Variants in DHX38 observed in about 807,000 individuals in gnomAD.
DHX38 encodes pre-mRNA-splicing factor ATP-dependent RNA helicase PRP16.
DHX38 carries 100 observed loss-of-function variants against 153.1 expected under a neutral mutation model. The observed-to-expected ratio is 0.65, with a 90% confidence interval of 0.56 to 0.77. The LOEUF is 0.77. Ranked by LOEUF, DHX38 falls within the 30% of genes least tolerant of loss-of-function variation. DHX38 has a pLI of 0.00. For missense variants in DHX38, 1,440 were observed against 1,654.0 expected, an observed-to-expected ratio of 0.87 and a Z score of 2.24; for synonymous variants, 650 against 631.7, an observed-to-expected ratio of 1.03 and a Z score of -0.43.
chr16:72,103,572 G>C, intron 12 of DHX38, 30 bp from the exon 13 acceptor site: 1 of 1,590,380 alleles, frequency 6.3e-7, no homozygotes. Flanking sequence ...CACTTCGGCT[G>C]ATAAGCCCTT....
chr16:72,109,146 G>T (rs1418228288), intron 24 of DHX38, among the ~76,000 whole-genome samples: 1 of 152,216 alleles, frequency 6.6e-6, no homozygotes, highest in African/African-American at 2.4e-5. Flanking sequence ...GGGCACGATT[G>T]TTCCCCACTT....
In DHX38 at chr16:72,107,292, G is replaced by A. The variant is rs1333028478; in HGVS notation, c.2601-48G>A. 23 of 1,565,032 alleles carry A rather than the reference G, an allele frequency of 1.5e-5. No individual in the cohort carries two copies. Among genetic ancestry groups the A allele is most frequent in the Non-Finnish European group, 1.7e-5 (20 of 1,157,724 alleles). ...CTGTGGGATTTCATCTGTACTGGCT[G>A]CTGTGGGGTTTCCTTGTGGTGAGAA... On this transcript the variant is annotated intron_variant, in intron 19 of 26. Coordinates refer to ENST00000268482, the MANE Select transcript of DHX38 (RefSeq NM_014003.4). This position sits in a 1 kb window ranked among gnomAD's most constrained non-coding sequence, Gnocchi z 5.3.
intron 26 of DHX38, among the ~76,000 whole-genome samples, chr16:72,111,791 T>C (rs1227947029): frequency 1.3e-5 from 2 of 152,146 alleles, no homozygotes; most frequent in Non-Finnish European, 2.9e-5. Context: ...GTTCTTATCA[T>C]TGGGGTTCTG....
chr16:72,108,974 AG>A, intron 24 of DHX38, 49 bp downstream of exon 24: 1 of 1,543,148 alleles, frequency 6.5e-7, no homozygotes, highest in Non-Finnish European at 8.7e-7. Context: ...CTGTCTGGCC[AG>A]GCTTTGAAAC....
At chr16:72,099,988 C>T (rs2042078666) in intron 8 of DHX38, 101 bp downstream of exon 8, 6 of 1,459,364 alleles carry the variant, frequency 4.1e-6, no homozygotes, top group Non-Finnish European at 5.5e-6. Context: ...AGCTTGTCCC[C>T]TGATTGCCGA....
Position 72,103,724 on chromosome 16 carries a change from G to A in DHX38, c.1760G>A (p.Arg587His). Reference sequence around the variant, plus strand: ...ATGATTGGGTGTACCCAGCCCCGGCGTGTAGCTGCCATGTCAGTGGCCAAG... The same window carrying A: ...ATGATTGGGTGTACCCAGCCCCGGCATGTAGCTGCCATGTCAGTGGCCAAG... ...YGMIGCTQPRRVAAMSVAKRV... is the reference protein window; with the variant it reads ...YGMIGCTQPRHVAAMSVAKRV... The change falls in exon 13 of 27, where the codon CGT becomes CAT. Residue 587 changes from arginine to histidine, a missense_variant. Physicochemically the swap from Arg to His is conservative, Grantham distance 29 (BLOSUM62 0). Coordinates refer to ENST00000268482, the MANE Select transcript of DHX38 (RefSeq NM_014003.4). 2.5e-6 allele frequency: 4 copies of A among 1,614,104 alleles called. No individual in the cohort carries two copies. The highest frequency in any genetic ancestry group is 1.3e-5 in the African/African-American group (1 of 75,048).
intron 6 of DHX38, 29 bp from the exon 7 acceptor site, chr16:72,099,175 G>A (rs2042063038): frequency 6.2e-7 from 1 of 1,600,644 alleles, no homozygotes; most frequent in Non-Finnish European, 8.5e-7. Context: ...GCCAGGGCAT[G>A]GACTGACCTG....
chr16:72,095,544 C>T (rs1172044076), intron 1 of DHX38, among the ~76,000 whole-genome samples: 1 of 152,070 alleles, frequency 6.6e-6, no homozygotes, highest in Non-Finnish European at 1.5e-5. Context: ...TACAATGTAG[C>T]AGTTACATTT....
Position 72,098,698 on chromosome 16 carries a change from T to C in DHX38, c.670T>C (p.Ser224Pro). 6.2e-7 allele frequency: 1 copy of C among 1,613,788 alleles called. No individual in the cohort carries two copies. Among genetic ancestry groups the C allele is most frequent in the East Asian group, 2.2e-5 (1 of 44,820 alleles). ...TWEEEDSGYG[S>P]SRRSQWESPS... The stretch of plus-strand genomic sequence containing the variant: ...GGAGGAAGAGGACAGTGGCTATGGC[T>C]CCTCAAGGCGCTCACAGTGGGAATC... Residue 224 changes from serine to proline, a missense_variant, in exon 5 of 27, where the codon TCC becomes CCC. Coordinates refer to ENST00000268482, the MANE Select transcript of DHX38 (RefSeq NM_014003.4).
rs1244200874 is a variant in DHX38 at position 72,104,098 on chromosome 16, C to T, written c.1977C>T (p.Leu659=). The change falls in exon 14 of 27, where the codon CTC becomes CTT. Residue 659 remains leucine (L), a synonymous_variant. Transcript: ENST00000268482. This position sits in a 1 kb window ranked among gnomAD's most constrained non-coding sequence, Gnocchi z 4.5. ...IIMDEAHERS[L]NTDVLFGLLR... Reference sequence around the variant, plus strand: ...TGGACGAGGCCCACGAGCGCTCCCTCAACACTGACGTGCTCTTTGGGCTGC... The same window carrying T: ...TGGACGAGGCCCACGAGCGCTCCCTTAACACTGACGTGCTCTTTGGGCTGC... The T allele has an allele frequency of 6.2e-7, 1 of 1,614,190 alleles. No individual in the cohort carries two copies. Among genetic ancestry groups the T allele is most frequent in the Non-Finnish European group, 8.5e-7 (1 of 1,180,044 alleles).
At chr16:72,100,931 A>G (rs1290427076) in intron 9 of DHX38, among the ~76,000 whole-genome samples, 155 bp from the exon 10 acceptor site, 1 of 152,080 alleles carries the variant, frequency 6.6e-6, no homozygotes, top group Non-Finnish European at 1.5e-5. Context: ...TGTCTCACAC[A>G]CAAAAAAGGC....
intron 21 of DHX38, 84 bp from the exon 22 acceptor site, chr16:72,108,143 G>T: frequency 1.4e-6 from 2 of 1,465,200 alleles, no homozygotes; most frequent in Admixed American, 1.8e-5. Flanking sequence ...GTGTGGGTAG[G>T]TGGTAGTGTT....
At chr16:72,096,742 C>T in intron 2 of DHX38, 80 bp from the exon 3 acceptor site, 4 of 1,523,792 alleles carry the variant, frequency 2.6e-6, no homozygotes, top group Non-Finnish European at 2.6e-6. Flanking sequence ...GGACAGATCA[C>T]TTGTTTGGAC....
intron 26 of DHX38, 156 bp from the exon 27 acceptor site, chr16:72,112,257 G>T: frequency 3.0e-6 from 2 of 664,676 alleles, no homozygotes. Flanking sequence ...ACATGGGGAC[G>T]GCAGAGGAGT....
rs1201384675 is a variant in DHX38, at chr16:72,107,549, G to A, written c.2809+1G>A. ...ATCCTCGGGGCCCTGGACAACACAGGTGAGGCGGCCCCGGGAGCCTCATGG... is the reference window on the plus strand; with the variant it reads ...ATCCTCGGGGCCCTGGACAACACAGATGAGGCGGCCCCGGGAGCCTCATGG... On this transcript the variant is annotated splice_donor_variant, in intron 20 of 26. Transcript: ENST00000268482. LOFTEE classifies it high-confidence loss of function. This position sits in a 1 kb window ranked among gnomAD's most constrained non-coding sequence, Gnocchi z 5.3. 2 of 1,611,528 alleles carry A rather than the reference G, an allele frequency of 1.2e-6. No individual in the cohort carries two copies. The highest frequency in any genetic ancestry group is 1.7e-6 in the Non-Finnish European group (2 of 1,177,936).
chr16:72,111,576 G>A (rs1042960785), intron 26 of DHX38, among the ~76,000 whole-genome samples: 9 of 152,196 alleles, frequency 5.9e-5, no homozygotes, highest in South Asian at 2.1e-4. Context: ...GGAGAGTGCC[G>A]TACTTACCAT....
intron 11 of DHX38, 61 bp from the exon 12 acceptor site, chr16:72,103,013 C>T (rs62058269): frequency 1.6e-4 from 257 of 1,588,672 alleles, no homozygotes; most frequent in Non-Finnish European, 2.0e-4. Flanking sequence ...GGGCAGCAAC[C>T]CAATCAGGAA....
In DHX38 at chr16:72,104,399, G is replaced by A. The variant is rs893231715; in HGVS notation, c.2011-87G>A. 2.6e-6 allele frequency: 4 copies of A among 1,556,276 alleles called. No homozygotes were observed. Among genetic ancestry groups the A allele is most frequent in the African/African-American group, 2.7e-5 (2 of 73,306 alleles). On this transcript the variant is annotated intron_variant, in intron 14 of 26. Transcript: ENST00000268482. This position sits in a 1 kb window ranked among gnomAD's most constrained non-coding sequence, Gnocchi z 4.5. ...GGCCCATTTGTCAGCTTTGGCTTGT[G>A]TTTCCTCGGGGGTGGTGCTGATGGG...
chr16:72,100,496 G>A lies in DHX38; in HGVS notation c.1177G>A (p.Val393Met). 1.2e-6 allele frequency: 2 copies of A among 1,614,202 alleles called. No homozygotes were observed. Among genetic ancestry groups the A allele is most frequent in the Non-Finnish European group, 1.7e-6 (2 of 1,180,016 alleles). The change falls in exon 9 of 27, where the codon GTG becomes ATG. Residue 393 changes from valine to methionine, a missense_variant. Around this residue, in one of 6 missense-constraint regions of DHX38, gnomAD observed 77 missense variants for 125.4 expected, o/e 0.61. Transcript: ENST00000268482. Reference protein sequence around the residue: ...LTSGVVHRLEVDEDFEEDNAA... With the variant: ...LTSGVVHRLEMDEDFEEDNAA... ...CAGTGGGGTGGTCCATCGGCTGGAG[G>A]TGGATGAGGACTTTGAAGAGGACAA...
Sources: allele counts gnomAD v4.1 joint callset (sites outside exome capture counted in the v4.1 genomes callset), GRCh38; gene constraint gnomAD v4.1.1; regional missense constraint gnomAD v4.1.1; non-coding constraint Gnocchi (gnomAD v3.1); transcripts MANE v1.5; gene names NCBI Gene and HGNC (gene_info 2026-07-23, HGNC 2026-07-21).